Variants in CRYZL1 observed in about 807,000 individuals in gnomAD.
CRYZL1 encodes the protein crystallin zeta like 1.
A neutral mutation model predicts 50.6 loss-of-function variants in CRYZL1; 34 were observed. The ratio of observed to expected loss-of-function variants is 0.67; its 90% CI spans 0.51 to 0.89. The LOEUF (loss-of-function observed/expected upper bound fraction) is 0.89, where lower values mean the gene tolerates loss of function less well. Ranked by LOEUF, CRYZL1 falls within the 40% of genes least tolerant of loss-of-function variation. CRYZL1 has a pLI of 0.00. For synonymous variants in CRYZL1, 125 were observed against 134.3 expected, an observed-to-expected ratio of 0.93 and a Z score of 0.48; for missense variants, 354 against 402.3, an observed-to-expected ratio of 0.88 and a Z score of 1.03.
chr21:33,613,833 T>C (rs1191641351), intron 5 of CRYZL1, among the ~76,000 whole-genome samples: 2 of 152,332 alleles, frequency 1.3e-5, no homozygotes, highest in East Asian at 1.9e-4. Context: ...GCTGATGTTA[T>C]AGAACAAAGT....
intron 11 of CRYZL1, among the ~76,000 whole-genome samples, chr21:33,591,973 A>G (rs1569080035): frequency 6.6e-6 from 1 of 151,442 alleles, no homozygotes; most frequent in South Asian, 2.1e-4. Flanking sequence ...AAAAAAAAAG[A>G]AAGAAAAAAA....
intron 1 of CRYZL1, among the ~76,000 whole-genome samples, chr21:33,632,033 A>C (rs148514564): frequency 9.2e-4 from 140 of 152,186 alleles, no homozygotes; most frequent in African/African-American, 2.9e-3. Flanking sequence ...GGAAGTATTT[A>C]AACTTATAGC....
intron 9 of CRYZL1, among the ~76,000 whole-genome samples, chr21:33,597,971 A>G (rs1057485633): frequency 6.6e-6 from 1 of 152,174 alleles, no homozygotes; most frequent in African/African-American, 2.4e-5. Flanking sequence ...AGCAACACAC[A>G]ATGTATTCTG....
chr21:33,608,079 A>G, intron 6 of CRYZL1, among the ~76,000 whole-genome samples: 1 of 152,242 alleles, frequency 6.6e-6, no homozygotes, highest in East Asian at 1.9e-4. Flanking sequence ...AAACATTTGA[A>G]ATTTACTCTC....
rs1416591381 is a variant in CRYZL1 at position 33,631,567 on chromosome 21, A to C, written c.-6-10T>G. The C allele has an allele frequency of 7.0e-7, 1 of 1,431,668 alleles. No individual in the cohort carries two copies. Among genetic ancestry groups the C allele is most frequent in the Non-Finnish European group, 9.3e-7 (1 of 1,080,876 alleles). 88.7% of individuals were successfully genotyped at this position (1,431,668 alleles called of 1,614,324 possible). On this transcript the variant is annotated splice_polypyrimidine_tract_variant and intron_variant, in intron 1 of 12. Transcript: ENST00000381554. ...AGCCTTTCATAGTCACCTAAAAATA[A>C]ATATATATAAATGAAATAAAATAAC...
chr21:33,617,468 T>C (rs554036105), intron 4 of CRYZL1, among the ~76,000 whole-genome samples: 3 of 152,324 alleles, frequency 2.0e-5, no homozygotes, highest in African/African-American at 7.2e-5. Context: ...ATTCTGAGAA[T>C]GCAGCAGGAC....
intron 3 of CRYZL1, 121 bp downstream of exon 3, chr21:33,624,562 T>C (rs1341475484): frequency 6.8e-7 from 1 of 1,465,862 alleles, no homozygotes; most frequent in Non-Finnish European, 9.1e-7. Context: ...ATAAAAAAAT[T>C]AACAAAAATG....
intron 8 of CRYZL1, among the ~76,000 whole-genome samples, chr21:33,600,789 T>C (rs1009243955): frequency 5.3e-5 from 8 of 150,404 alleles, no homozygotes; most frequent in Non-Finnish European, 8.9e-5. Flanking sequence ...CCATGCCAGC[T>C]AATTTTTTTT....
chr21:33,591,084 CAA>C, intron 12 of CRYZL1, 76 bp downstream of exon 12: 2 of 1,043,398 alleles, frequency 1.9e-6, no homozygotes, highest in Non-Finnish European at 3.0e-6. Flanking sequence ...AGAGCTAAAA[CAA>C]AAGTGGGACT....
Position 33,628,045 on chromosome 21 carries a change from G to A in CRYZL1, c.67-3285C>T, listed in dbSNP as rs982949996. Among the ~76,000 whole-genome samples, 4 of 152,156 alleles carry A rather than the reference G, an allele frequency of 2.6e-5. No individual in the cohort carries two copies. The East Asian group carries it at 7.7e-4, about 29-fold the overall frequency. On this transcript the variant is annotated intron_variant, in intron 2 of 12. Transcript: ENST00000381554. ...TAGGCGTAAGCCACCGCACCTGGCC[G>A]AGACAAGGTCTTTTCTGAAACATGG...
At chr21:33,620,417 ATTAC>A (rs1238907644) in intron 4 of CRYZL1, among the ~76,000 whole-genome samples, 1 of 152,142 alleles carries the variant, frequency 6.6e-6, no homozygotes, top group Non-Finnish European at 1.5e-5. Flanking sequence ...TCAATATATG[ATTAC>A]TTGTGGATTT....
At chr21:33,633,558 G>A (rs988546990) in intron 1 of CRYZL1, 21 of 152,260 alleles carry the variant, frequency 1.4e-4, no homozygotes, top group African/African-American at 4.6e-4. Flanking sequence ...GGGACTATAG[G>A]CACGTGCCAC....
intron 1 of CRYZL1, among the ~76,000 whole-genome samples, chr21:33,632,160 TAAA>T (rs753671237): frequency 8.8e-5 from 8 of 90,900 alleles, no homozygotes; most frequent in East Asian, 3.3e-4. Flanking sequence ...CCATCTCTAC[TAAA>T]AAAAAAAAAA....
In CRYZL1 at chr21:33,640,259, G is replaced by C. The variant is rs1030375847; in HGVS notation, c.-7+1422C>G. 91 of 1,533,288 alleles carry C rather than the reference G, an allele frequency of 5.9e-5. 1 individual carries two copies. In the African/African-American group the frequency reaches 9.7e-4, roughly 16 times the overall value. The allele number at this position is 1,533,288 out of a possible 1,614,324, so 95.0% of individuals were successfully genotyped here. A position where few individuals can be genotyped will look rare whatever the true frequency, so the allele number is the denominator to read the frequency against. On this transcript the variant is annotated intron_variant, in intron 1 of 12. Coordinates refer to ENST00000381554, the MANE Select transcript of CRYZL1 (RefSeq NM_145858.3). ...GGCTGGCAGCTTTATCTTGTATGGCGAACTACCTCACTTTCAAATCTAAAC... is the reference window on the plus strand; with the variant it reads ...GGCTGGCAGCTTTATCTTGTATGGCCAACTACCTCACTTTCAAATCTAAAC...
intron 2 of CRYZL1, among the ~76,000 whole-genome samples, chr21:33,630,115 C>T (rs2087120069): frequency 6.6e-6 from 1 of 152,096 alleles, no homozygotes; most frequent in Non-Finnish European, 1.5e-5. Flanking sequence ...AAATAGATAT[C>T]AAAACCACAG....
intron 2 of CRYZL1, among the ~76,000 whole-genome samples, chr21:33,629,543 G>A (rs1459598423): frequency 2.0e-5 from 3 of 152,228 alleles, no homozygotes; most frequent in African/African-American, 7.2e-5. Flanking sequence ...GATTACAGGC[G>A]TGAGCCACCA....
chr21:33,604,269 T>C lies in CRYZL1; in HGVS notation c.332-732A>G, dbSNP rs961716748. ...ACTCGGAGAGGCTGAGGCAAGAGAATGGTGTGAACCCGGGAGGCAGAGCTT... is the reference window on the plus strand; with the variant it reads ...ACTCGGAGAGGCTGAGGCAAGAGAACGGTGTGAACCCGGGAGGCAGAGCTT... On this transcript the variant is annotated intron_variant, in intron 6 of 12. Transcript: ENST00000381554. Among the ~76,000 whole-genome samples the C allele has an allele frequency of 2.3e-4, 33 of 140,556 alleles. No individual in the cohort carries two copies. In the East Asian group the frequency reaches 6.7e-3, roughly 29 times the overall value. The allele number at this position is 140,556 out of a possible 152,430, so 92.2% of individuals were successfully genotyped here.
At chr21:33,623,459 G>A (rs1319064379) in intron 3 of CRYZL1, among the ~76,000 whole-genome samples, 1 of 152,186 alleles carries the variant, frequency 6.6e-6, no homozygotes, top group Non-Finnish European at 1.5e-5. Flanking sequence ...TAGACAAGGA[G>A]ATTATTTCTT....
chr21:33,607,221 T>C (rs1453926648), intron 6 of CRYZL1, among the ~76,000 whole-genome samples: 2 of 152,226 alleles, frequency 1.3e-5, no homozygotes, highest in Non-Finnish European at 2.9e-5. Context: ...TCTTTAACTC[T>C]ATTATCAAGT....
Sources: allele counts gnomAD v4.1 joint callset (sites outside exome capture counted in the v4.1 genomes callset), GRCh38; gene constraint gnomAD v4.1.1; transcripts MANE v1.5; gene names NCBI Gene and HGNC (gene_info 2026-07-23, HGNC 2026-07-21).